The following ATXN10 variants were observed in gnomAD, a reference collection of about 807,000 sequenced individuals.
ATXN10 encodes the protein ataxin-10.
Under a neutral mutation model 52.9 loss-of-function variants are expected in ATXN10, and 28 were observed. That is an observed-to-expected ratio of 0.53 (90% CI 0.39 to 0.73). The LOEUF (loss-of-function observed/expected upper bound fraction) is 0.73, where lower values mean the gene tolerates loss of function less well. Ranked by LOEUF, ATXN10 falls within the 30% of genes least tolerant of loss-of-function variation. ATXN10 has a pLI of 0.00. For missense variants in ATXN10, 565 were observed against 577.0 expected (o/e 0.98, Z 0.21); for synonymous variants, 226 against 221.5 (o/e 1.02, Z -0.18).
Position 45,812,813 on chromosome 22 carries a change from C to G in ATXN10, c.1237+5791C>G, listed in dbSNP as rs988288522. On this transcript the variant is annotated intron_variant, in intron 10 of 11. Transcript: ENST00000252934. ...CTTTGGATAGGAGTCTACCCGTGCC[C>G]CATGGGACATCTGCAGTCAGGACTG... is the stretch of plus-strand genomic sequence containing the variant. Among the ~76,000 whole-genome samples the G allele has an allele frequency of 7.9e-5, 12 of 152,268 alleles. 1 individual carries two copies. In the East Asian group the frequency reaches 2.1e-3, roughly 27 times the overall value.
intron 7 of ATXN10, among the ~76,000 whole-genome samples, chr22:45,730,250 G>T (rs557904963): frequency 1.3e-5 from 2 of 151,710 alleles, no homozygotes; most frequent in African/African-American, 2.4e-5. Context: ...AGGCTGAGGT[G>T]GGAGGGTCAC....
chr22:45,691,792 C>G (rs1184345774), intron 2 of ATXN10, among the ~76,000 whole-genome samples: 1 of 152,178 alleles, frequency 6.6e-6, no homozygotes, highest in Non-Finnish European at 1.5e-5. Context: ...ACTCTGGAGG[C>G]TGAGGCAGGA....
rs748456250 is a variant in ATXN10 at position 45,701,226 on chromosome 22, T to C, written c.488+848T>C. 6.6e-6 allele frequency among the ~76,000 whole-genome samples: 1 copy of C among 152,218 alleles called. No homozygotes were observed. The highest frequency in any genetic ancestry group is 1.5e-5 in the Non-Finnish European group (1 of 68,040). The stretch of plus-strand genomic sequence containing the variant: ...CCGTATATTTTTTCTGTTCTCACAA[T>C]AGCCTGCAGAGTAAGTGTTACTGTC... On this transcript the variant is annotated intron_variant, in intron 4 of 11. Transcript: ENST00000252934. This position sits in a 1 kb window ranked among gnomAD's most constrained non-coding sequence, Gnocchi z 4.2.
Position 45,786,386 on chromosome 22 carries a change from TTA to T in ATXN10, c.1174-20572_1174-20571del, listed in dbSNP as rs1927324457. ...TTTGGAGGTGTCATGGGGAGCAGGG[TTA>T]GTTTATGGGATGCAGTCTCTGACAT... On this transcript the variant is annotated intron_variant, in intron 9 of 11. Coordinates refer to ENST00000252934, the MANE Select transcript of ATXN10 (RefSeq NM_013236.4). This position sits in a 1 kb window ranked among gnomAD's most constrained non-coding sequence, Gnocchi z 4.1. 6.6e-6 allele frequency among the ~76,000 whole-genome samples: 1 copy of T among 152,188 alleles called. No individual in the cohort carries two copies. The highest frequency in any genetic ancestry group is 2.4e-5 in the African/African-American group (1 of 41,432).
chr22:45,789,835 C>T lies in ATXN10; in HGVS notation c.1174-17124C>T, dbSNP rs189687841. On this transcript the variant is annotated intron_variant, in intron 9 of 11. Coordinates refer to ENST00000252934, the MANE Select transcript of ATXN10 (RefSeq NM_013236.4). This position sits in a 1 kb window ranked among gnomAD's most constrained non-coding sequence, Gnocchi z 4.0. ...TACACTCCTTTTTTTCCTCTTGGAC[C>T]GCTGGTGAGGAGTGGATATTTTACC... Among the ~76,000 whole-genome samples the T allele has an allele frequency of 2.4e-4, 37 of 152,190 alleles. No homozygotes were observed. Among genetic ancestry groups the T allele is most frequent in the African/African-American group, 7.0e-4 (29 of 41,500 alleles).
chr22:45,750,527 C>T lies in ATXN10; in HGVS notation c.1173+9989C>T, dbSNP rs1366783553. On this transcript the variant is annotated intron_variant, in intron 9 of 11. Coordinates refer to ENST00000252934, the MANE Select transcript of ATXN10 (RefSeq NM_013236.4). This position sits in a 1 kb window ranked among gnomAD's most constrained non-coding sequence, Gnocchi z 4.2. ...TATAAACTGAGAGCTGTACCTTGTT[C>T]CTGTATGGAAGTATGGAATATGGGA... Among the ~76,000 whole-genome samples, 1 of 152,100 alleles carries T rather than the reference C, an allele frequency of 6.6e-6. No individual in the cohort carries two copies. Among genetic ancestry groups the T allele is most frequent in the Non-Finnish European group, 1.5e-5 (1 of 68,022 alleles).
At chr22:45,719,422 T>C (rs1161347176) in intron 6 of ATXN10, among the ~76,000 whole-genome samples, 1 of 152,190 alleles carries the variant, frequency 6.6e-6, no homozygotes, top group Non-Finnish European at 1.5e-5. Flanking sequence ...TTTAAAGTCA[T>C]ATGAAATACC....
chr22:45,803,772 G>A (rs756136828), intron 9 of ATXN10, among the ~76,000 whole-genome samples: 2 of 152,100 alleles, frequency 1.3e-5, no homozygotes, highest in South Asian at 4.1e-4. Context: ...GCTGGTAGAC[G>A]TGGGGCAGGT....
rs1332938681 is a variant in ATXN10, at chr22:45,840,795, A to G, written c.1238-2196A>G. 1.3e-5 allele frequency among the ~76,000 whole-genome samples: 2 copies of G among 152,170 alleles called. No homozygotes were observed. Among genetic ancestry groups the G allele is most frequent in the Non-Finnish European group, 2.9e-5 (2 of 68,030 alleles). On this transcript the variant is annotated intron_variant, in intron 10 of 11. Transcript: ENST00000252934. The surrounding 1 kb of genome is among the most constrained non-coding windows in gnomAD (Gnocchi z 5.8). Reference sequence around the variant, plus strand: ...ATTTCAGCTTTCCTACTTTAATTATATTTAAGTGAATAACCAGGACGTTTC... The same window carrying G: ...ATTTCAGCTTTCCTACTTTAATTATGTTTAAGTGAATAACCAGGACGTTTC...
intron 10 of ATXN10, among the ~76,000 whole-genome samples, chr22:45,832,295 A>G (rs546614579): frequency 6.6e-6 from 1 of 152,186 alleles, no homozygotes; most frequent in African/African-American, 2.4e-5. Flanking sequence ...TCCCTCACTC[A>G]TTCTTCCCAG....
rs1314538924 is a variant in ATXN10 at position 45,759,349 on chromosome 22, T to C, written c.1173+18811T>C. 6.6e-6 allele frequency among the ~76,000 whole-genome samples: 1 copy of C among 152,070 alleles called. No individual in the cohort carries two copies. Among genetic ancestry groups the C allele is most frequent in the East Asian group, 1.9e-4 (1 of 5,186 alleles). ...TAACATGGTGAAACCCTGTCTCTACTAAAAATACAAAAAGTAGCCGGGCGT... is the reference window on the plus strand; with the variant it reads ...TAACATGGTGAAACCCTGTCTCTACCAAAAATACAAAAAGTAGCCGGGCGT... On this transcript the variant is annotated intron_variant, in intron 9 of 11. Coordinates refer to ENST00000252934, the MANE Select transcript of ATXN10 (RefSeq NM_013236.4). The surrounding 1 kb of genome is among the most constrained non-coding windows in gnomAD (Gnocchi z 5.4).
At chr22:45,752,366 G>A (rs1045689416) in intron 9 of ATXN10, among the ~76,000 whole-genome samples, 2 of 152,178 alleles carry the variant, frequency 1.3e-5, no homozygotes, top group Non-Finnish European at 2.9e-5. Flanking sequence ...CAGTAGAAAA[G>A]TACCTAAGTG....
chr22:45,719,423 A>G (rs1310817605), intron 6 of ATXN10, among the ~76,000 whole-genome samples: 1 of 152,176 alleles, frequency 6.6e-6, no homozygotes, highest in African/African-American at 2.4e-5. Flanking sequence ...TTAAAGTCAT[A>G]TGAAATACCA....
At chr22:45,726,391 G>A (rs1332290528) in intron 6 of ATXN10, among the ~76,000 whole-genome samples, 1 of 152,080 alleles carries the variant, frequency 6.6e-6, no homozygotes, top group Non-Finnish European at 1.5e-5. Context: ...AAGCTAGGAG[G>A]GTTGTACGTT....
chr22:45,827,129 CCACACACACACACACACACACACA>C lies in ATXN10; in HGVS notation c.1238-15842_1238-15819del, dbSNP rs57068887. 1.2e-3 allele frequency among the ~76,000 whole-genome samples: 175 copies of C among 146,716 alleles called. 1 individual carries two copies. In the East Asian group the frequency reaches 0.023, roughly 19 times the overall value. The stretch of plus-strand genomic sequence containing the variant: ...ATGTTAAATGTAATCCCCATGGTAA[CCACACACACACACACACACACACA>C]CACACACACACACACACACGGCTAT... On this transcript the variant is annotated intron_variant, in intron 10 of 11. Coordinates refer to ENST00000252934, the MANE Select transcript of ATXN10 (RefSeq NM_013236.4).
chr22:45,690,877 G>A lies in ATXN10; in HGVS notation c.308+974G>A, dbSNP rs1180048433. 6.6e-6 allele frequency among the ~76,000 whole-genome samples: 1 copy of A among 152,172 alleles called. No individual in the cohort carries two copies. The highest frequency in any genetic ancestry group is 2.4e-5 in the African/African-American group (1 of 41,444). Reference sequence around the variant, plus strand: ...TACTTGAAGTCAGAAGCCACAAACAGGATGCTCACTTTCCTTCCTGGACTT... The same window carrying A: ...TACTTGAAGTCAGAAGCCACAAACAAGATGCTCACTTTCCTTCCTGGACTT... On this transcript the variant is annotated intron_variant, in intron 2 of 11. Coordinates refer to ENST00000252934, the MANE Select transcript of ATXN10 (RefSeq NM_013236.4). The surrounding 1 kb of genome is among the most constrained non-coding windows in gnomAD (Gnocchi z 4.5).
rs1313050730 is a variant in ATXN10 at position 45,744,178 on chromosome 22, G to C, written c.1173+3640G>C. 6.6e-6 allele frequency among the ~76,000 whole-genome samples: 1 copy of C among 152,124 alleles called. No individual in the cohort carries two copies. Among genetic ancestry groups the C allele is most frequent in the Non-Finnish European group, 1.5e-5 (1 of 68,020 alleles). On this transcript the variant is annotated intron_variant, in intron 9 of 11. Coordinates refer to ENST00000252934, the MANE Select transcript of ATXN10 (RefSeq NM_013236.4). This position sits in a 1 kb window ranked among gnomAD's most constrained non-coding sequence, Gnocchi z 4.9. The stretch of plus-strand genomic sequence containing the variant: ...TATCTTCTGTGGAGCTTCCATTCTG[G>C]CATCATCTGGGGACCATGCTTGCCT...
chr22:45,678,124 G>A lies in ATXN10; in HGVS notation c.116+5945G>A, dbSNP rs929066528. 2.6e-5 allele frequency: 4 copies of A among 152,140 alleles called. No homozygotes were observed. Among genetic ancestry groups the A allele is most frequent in the South Asian group, 2.1e-4 (1 of 4,824 alleles). The allele number at this position is 152,140 out of a possible 1,614,324, so 9.4% of individuals were successfully genotyped here. A position where few individuals can be genotyped will look rare whatever the true frequency, so the allele number is the denominator to read the frequency against. The stretch of plus-strand genomic sequence containing the variant: ...TCATGTTTACAGAGTTTCTATTTGG[G>A]TGTTAAAAAAAATTTTGGAAGTAGA... On this transcript the variant is annotated intron_variant, in intron 1 of 11. Coordinates refer to ENST00000252934, the MANE Select transcript of ATXN10 (RefSeq NM_013236.4). The surrounding 1 kb of genome is among the most constrained non-coding windows in gnomAD (Gnocchi z 4.1).
At position 45,688,059 on chromosome 22, in the gene ATXN10, A is replaced by G. The variant is rs1361721880; in HGVS notation, c.117-1653A>G. On this transcript the variant is annotated intron_variant, in intron 1 of 11. Coordinates refer to ENST00000252934, the MANE Select transcript of ATXN10 (RefSeq NM_013236.4). This position sits in a 1 kb window ranked among gnomAD's most constrained non-coding sequence, Gnocchi z 4.0. ...GGCGACAGAGCAAAACTCCGTCTCA[A>G]AAAAAAGAGTGTTAGTGAGTATTCT... 3.9e-5 allele frequency among the ~76,000 whole-genome samples: 6 copies of G among 152,158 alleles called. No homozygotes were observed. Among genetic ancestry groups the G allele is most frequent in the Non-Finnish European group, 8.8e-5 (6 of 68,018 alleles).
Sources: gnomAD v4.1 joint callset for allele counts (sites outside exome capture counted in the v4.1 genomes callset) on GRCh38, gnomAD v4.1.1 for gene constraint, Gnocchi (gnomAD v3.1) non-coding constraint, MANE v1.5 for transcripts, NCBI Gene and HGNC (gene_info 2026-07-23, HGNC 2026-07-21) for gene names.